Variants in SIK3 observed in about 807,000 individuals in gnomAD.
SIK3 encodes the protein serine/threonine-protein kinase SIK3.
SIK3 carries 28 observed loss-of-function variants against 144.2 expected under a neutral mutation model. That is an observed-to-expected ratio of 0.19 (90% confidence interval 0.14 to 0.27). SIK3 has a LOEUF of 0.27. SIK3 is among the 10% of genes least tolerant of loss of function. SIK3 has a pLI of 1.00. For missense variants in SIK3, 1,319 were observed against 1,776.0 expected, an observed-to-expected ratio of 0.74 and a Z score of 4.62; for synonymous variants, 686 against 676.3, an observed-to-expected ratio of 1.01 and a Z score of -0.22.
intron 16 of SIK3, among the ~76,000 whole-genome samples, chr11:116,863,346 G>A (rs1373114861): frequency 6.6e-6 from 1 of 152,128 alleles, no homozygotes; most frequent in African/African-American, 2.4e-5. Flanking sequence ...TACCTCCCAG[G>A]TTCAAGTGAT....
Position 117,063,582 on chromosome 11 carries a change from G to T in SIK3, c.273+34561C>A, listed in dbSNP as rs935301740. ...ACCCAGGCTTTAACTTCTTAATGAA[G>T]TTTCTTTTTTTTTTTTTTTTTTAGA... On this transcript the variant is annotated intron_variant, in intron 1 of 24. Transcript: ENST00000445177. Among the ~76,000 whole-genome samples the T allele has an allele frequency of 2.1e-3, 311 of 146,920 alleles. 3 individuals carry two copies. The highest frequency in any genetic ancestry group is 7.3e-3 in the African/African-American group (289 of 39,844).
At chr11:117,046,163 A>C (rs1359089337) in intron 1 of SIK3, among the ~76,000 whole-genome samples, 2 of 152,268 alleles carry the variant, frequency 1.3e-5, no homozygotes, top group Non-Finnish European at 2.9e-5. Flanking sequence ...AACACAGCAC[A>C]TATGAGCTAA....
intron 1 of SIK3, among the ~76,000 whole-genome samples, chr11:117,016,394 GGGAAGGAAGGAA>G (rs771165423): frequency 0.014 from 847 of 59,326 alleles, 16 homozygotes; most frequent in African/African-American, 0.062. Flanking sequence ...GAGGGAGGGA[GGGAAGGAAGGAA>G]GGAAGGAAGG....
chr11:116,855,993 C>A (rs112618266), intron 21 of SIK3, among the ~76,000 whole-genome samples: 2 of 152,086 alleles, frequency 1.3e-5, no homozygotes, highest in South Asian at 2.1e-4. Flanking sequence ...GTCAGGAGAT[C>A]GAGACCATCC....
chr11:116,992,311 C>A (rs1384243878), intron 1 of SIK3, among the ~76,000 whole-genome samples: 1 of 132,804 alleles, frequency 7.5e-6, no homozygotes, highest in East Asian at 2.1e-4. Context: ...GGCAACAGAG[C>A]AAGACCCCCC....
chr11:116,970,946 C>T (rs1035385730), intron 1 of SIK3, among the ~76,000 whole-genome samples: 2 of 152,146 alleles, frequency 1.3e-5, no homozygotes, highest in Non-Finnish European at 1.5e-5. Context: ...CACACCCAGC[C>T]CTAAGTCATC....
At chr11:117,049,755 A>G (rs191052757) in intron 1 of SIK3, among the ~76,000 whole-genome samples, 1 of 152,250 alleles carries the variant, frequency 6.6e-6, no homozygotes, top group African/African-American at 2.4e-5. Flanking sequence ...CAGGAGTTTG[A>G]GACCAGCCTG....
chr11:116,937,806 T>C (rs1278568903), intron 3 of SIK3, among the ~76,000 whole-genome samples: 3 of 152,226 alleles, frequency 2.0e-5, no homozygotes, highest in Non-Finnish European at 4.4e-5. Context: ...TAAAAATATA[T>C]ATTTCATAGC....
intron 1 of SIK3, among the ~76,000 whole-genome samples, chr11:116,961,521 A>C (rs1316129435): frequency 6.6e-6 from 1 of 152,232 alleles, no homozygotes; most frequent in Non-Finnish European, 1.5e-5. Context: ...TGAAAAACTG[A>C]ATGTGTCCAC....
intron 1 of SIK3, among the ~76,000 whole-genome samples, chr11:117,042,680 T>C (rs185174743): frequency 8.5e-5 from 13 of 152,348 alleles, no homozygotes; most frequent in East Asian, 3.9e-4. Context: ...GTAATCATCC[T>C]AATTAAGAAA....
chr11:116,885,518 T>C (rs1243351737), intron 6 of SIK3, among the ~76,000 whole-genome samples: 1 of 152,222 alleles, frequency 6.6e-6, no homozygotes. Flanking sequence ...TGGCTTGCTA[T>C]ACTGTTTTAC....
chr11:116,919,658 A>G (rs1946854061), intron 4 of SIK3, among the ~76,000 whole-genome samples: 1 of 152,258 alleles, frequency 6.6e-6, no homozygotes, highest in Non-Finnish European at 1.5e-5. Context: ...TTTTAAATAT[A>G]GACACCTTGC....
chr11:116,962,450 C>T (rs1303305540), intron 1 of SIK3, among the ~76,000 whole-genome samples: 3 of 152,056 alleles, frequency 2.0e-5, no homozygotes, highest in Non-Finnish European at 2.9e-5. Context: ...TGAAGAAAAG[C>T]TTATTTTTTT....
intron 1 of SIK3, among the ~76,000 whole-genome samples, chr11:117,059,724 T>C (rs1010361216): frequency 7.9e-5 from 12 of 152,202 alleles, no homozygotes; most frequent in Non-Finnish European, 4.4e-5. Flanking sequence ...CTCACCGATA[T>C]ATACAGATGG....
intron 3 of SIK3, among the ~76,000 whole-genome samples, chr11:116,931,886 C>T (rs999529824): frequency 1.3e-5 from 2 of 152,170 alleles, no homozygotes; most frequent in South Asian, 2.1e-4. Context: ...AACTCCCAGG[C>T]GTGGCTGCCA....
chr11:116,910,529 T>C (rs1174762902), intron 4 of SIK3, among the ~76,000 whole-genome samples: 2 of 152,158 alleles, frequency 1.3e-5, no homozygotes, highest in East Asian at 3.8e-4. Context: ...ACAGGCACTT[T>C]GTATTTGGTA....
intron 1 of SIK3, among the ~76,000 whole-genome samples, chr11:117,013,915 G>GGTGT (rs71037441): frequency 2.4e-3 from 57 of 23,606 alleles, no homozygotes; most frequent in East Asian, 3.5e-3. Context: ...GGGGGGGGAG[G>GGTGT]GTGTGTGTGT....
chr11:117,098,418 T>G lies in SIK3; in HGVS notation c.-3A>C. 1 of 1,145,480 alleles carries G rather than the reference T, an allele frequency of 8.7e-7. No individual in the cohort carries two copies. Among genetic ancestry groups the G allele is most frequent in the Non-Finnish European group, 1.1e-6 (1 of 933,964 alleles). 71.0% of individuals were successfully genotyped at this position (1,145,480 alleles called of 1,614,324 possible). On this transcript the variant is annotated 5_prime_UTR_variant, in exon 1 of 25. Transcript: ENST00000445177. ...CCGCTCGCCGCCGCCGCCGCCATCT[T>G]GTTGTGCAGTGAAACCTCCGGGGCC...
intron 1 of SIK3, among the ~76,000 whole-genome samples, chr11:117,011,071 G>A (rs186042566): frequency 2.0e-5 from 3 of 152,306 alleles, no homozygotes; most frequent in African/African-American, 7.2e-5. Flanking sequence ...AGTGAGCCAA[G>A]ATTGCGCCAC....
Sources: allele counts gnomAD v4.1 joint callset (sites outside exome capture counted in the v4.1 genomes callset), GRCh38; gene constraint gnomAD v4.1.1; transcripts MANE v1.5; gene names NCBI Gene and HGNC (gene_info 2026-07-23, HGNC 2026-07-21).